ARAP2: variants seen among roughly 807,000 people sequenced by gnomAD.
ARAP2 encodes the protein ArfGAP with RhoGAP domain, ankyrin repeat and PH domain 2.
In ARAP2, 148 loss-of-function variants were observed where a neutral mutation model predicts 194.5. The observed-to-expected ratio is 0.76, with a 90% confidence interval of 0.67 to 0.87. The LOEUF is 0.87. ARAP2 is among the 40% of genes least tolerant of loss of function. The probability of loss-of-function intolerance (pLI) is 0.00; values close to 1 mark genes in which losing one functional copy is unlikely to be tolerated. For missense variants in ARAP2, 2,128 were observed against 1,989.7 expected (o/e 1.07, Z -1.32); for synonymous variants, 695 against 683.5 (o/e 1.02, Z -0.26).
Position 36,158,868 on chromosome 4 carries a change from G to GA in ARAP2, c.2618-5dup, listed in dbSNP as rs1257237723. 1 of 1,577,558 alleles carries GA rather than the reference G, an allele frequency of 6.3e-7. No homozygotes were observed. The highest frequency in any genetic ancestry group is 8.6e-7 in the Non-Finnish European group (1 of 1,168,730). ...TGAATATCATGTTGAGGGAAATCTA[G>GA]AAAAATTAAAGAAATAAGGCACAAG... On this transcript the variant is annotated splice_polypyrimidine_tract_variant and splice_region_variant and intron_variant, in intron 14 of 32. Coordinates refer to ENST00000303965, the MANE Select transcript of ARAP2 (RefSeq NM_015230.4).
intron 2 of ARAP2, among the ~76,000 whole-genome samples, chr4:36,225,330 T>C (rs1260417702): frequency 2.0e-5 from 3 of 152,188 alleles, no homozygotes; most frequent in Admixed American, 2.0e-4. Flanking sequence ...AGGAAAAATG[T>C]ACTTCCTTCA....
At chr4:36,151,901 T>A (rs569111891) in intron 15 of ARAP2, among the ~76,000 whole-genome samples, 46 of 152,278 alleles carry the variant, frequency 3.0e-4, no homozygotes, top group Admixed American at 9.8e-4. Context: ...GTAAAATGTA[T>A]ATGAGAATTA....
chr4:36,100,533 T>A (rs1392345940), intron 27 of ARAP2, among the ~76,000 whole-genome samples: 3 of 151,998 alleles, frequency 2.0e-5, no homozygotes, highest in Admixed American at 1.3e-4. Context: ...ATTTGCAGGA[T>A]AACATCTAAA....
chr4:36,021,375 G>A (rs1243319564), intron 5 of ARAP2, among the ~76,000 whole-genome samples: 2 of 152,206 alleles, frequency 1.3e-5, no homozygotes, highest in Admixed American at 6.5e-5. Flanking sequence ...CCCTCTGTTG[G>A]AGGTGGGGCC....
At chr4:36,168,203 C>T (rs1002264359) in intron 9 of ARAP2, among the ~76,000 whole-genome samples, 2 of 152,104 alleles carry the variant, frequency 1.3e-5, no homozygotes, top group African/African-American at 4.8e-5. Flanking sequence ...TTAAGCAACT[C>T]CTGGTAGAAT....
At chr4:36,225,095 T>C (rs1750008833) in intron 2 of ARAP2, among the ~76,000 whole-genome samples, 1 of 152,192 alleles carries the variant, frequency 6.6e-6, no homozygotes, top group Non-Finnish European at 1.5e-5. Flanking sequence ...TTTCAAACTT[T>C]TGAAAAGCCC....
intron 15 of ARAP2, among the ~76,000 whole-genome samples, chr4:36,154,310 AT>A (rs1365532386): frequency 6.6e-6 from 1 of 152,190 alleles, no homozygotes; most frequent in Non-Finnish European, 1.5e-5. Context: ...AATACATGTG[AT>A]TTAGCCTTGG....
chr4:36,051,544 T>C (rs1182354584), intron 3 of ARAP2, among the ~76,000 whole-genome samples: 1 of 151,996 alleles, frequency 6.6e-6, no homozygotes, highest in Non-Finnish European at 1.5e-5. Context: ...CACACAAACA[T>C]AACAAGGCTA....
intron 25 of ARAP2, among the ~76,000 whole-genome samples, 177 bp downstream of exon 25, chr4:36,116,884 T>C (rs1721486236): frequency 6.6e-6 from 1 of 151,738 alleles, no homozygotes; most frequent in African/African-American, 2.4e-5. Flanking sequence ...ATGTTCTCTT[T>C]CCAAACGATC....
intron 32 of ARAP2, among the ~76,000 whole-genome samples, chr4:36,073,155 G>T (rs1727430548): frequency 1.3e-5 from 2 of 152,074 alleles, no homozygotes. Flanking sequence ...TGCCGCTTAT[G>T]ATCTCCCAAC....
At chr4:36,167,084 C>CAA (rs3055951) in intron 9 of ARAP2, 37 bp from the exon 10 acceptor site, 25 of 1,117,584 alleles carry the variant, frequency 2.2e-5, no homozygotes, top group African/African-American at 1.8e-4. Context: ...TATAAAGAAA[C>CAA]AAAAAAAAAG....
At chr4:36,234,544 T>A (rs947642679) in intron 1 of ARAP2, among the ~76,000 whole-genome samples, 1 of 152,190 alleles carries the variant, frequency 6.6e-6, no homozygotes, top group East Asian at 1.9e-4. Context: ...ATAGATAGTG[T>A]AATATAAATG....
chr4:36,135,247 G>C (rs1173525012), intron 19 of ARAP2, among the ~76,000 whole-genome samples: 5 of 151,698 alleles, frequency 3.3e-5, no homozygotes. Context: ...TTGGGGGCCA[G>C]GTGTGGGTAA....
In ARAP2 at chr4:36,166,997, AT is replaced by A; in HGVS notation, c.1907del (p.Asn636MetfsTer2). 6.2e-7 allele frequency: 1 copy of A among 1,608,860 alleles called. No individual in the cohort carries two copies. Among genetic ancestry groups the A allele is most frequent in the Non-Finnish European group, 8.5e-7 (1 of 1,177,960 alleles). ...GITIIPMNVA[N>X]VKQVDRTVKQ... ...TCACAGTTCGGTCCACTTGCTTTAC[AT>A]TTGCTACATTCATAGGAATTATGGT... On this transcript the variant is annotated frameshift_variant, in exon 10 of 33. Transcript: ENST00000303965. LOFTEE classifies it high-confidence loss of function.
At chr4:36,202,272 T>C (rs370858728) in intron 6 of ARAP2, among the ~76,000 whole-genome samples, 1 of 152,172 alleles carries the variant, frequency 6.6e-6, no homozygotes, top group African/African-American at 2.4e-5. Context: ...AGTAACAAAA[T>C]ATTTTAGAGA....
At chr4:36,147,840 T>C in intron 17 of ARAP2, 94 bp from the exon 18 acceptor site, 1 of 1,088,820 alleles carries the variant, frequency 9.2e-7, no homozygotes, top group Non-Finnish European at 1.3e-6. Flanking sequence ...CAAATTATCT[T>C]AGTTTTTCAA....
At chr4:36,210,359 C>T (rs1746478773) in intron 6 of ARAP2, 31 bp downstream of exon 6, 2 of 1,531,214 alleles carry the variant, frequency 1.3e-6, no homozygotes, top group South Asian at 2.6e-5. Context: ...TAAAAATATG[C>T]CACTTATGAA....
rs567077151 is a variant in ARAP2, at chr4:36,056,863, A to T, written n.321+1107T>A. Among the ~76,000 whole-genome samples, 11 of 152,248 alleles carry T rather than the reference A, an allele frequency of 7.2e-5. No individual in the cohort carries two copies. The East Asian group carries it at 2.1e-3, about 29-fold the overall frequency. ...CATTGTAACTAATACAAATAATTAC[A>T]TTCACTTCTTCCCTGACAATGCTTG... On this transcript the variant is annotated intron_variant and non_coding_transcript_variant, in intron 2 of 12. Transcript: ENST00000503225.
At chr4:36,179,755 G>T (rs563946343) in intron 8 of ARAP2, among the ~76,000 whole-genome samples, 2 of 152,304 alleles carry the variant, frequency 1.3e-5, no homozygotes, top group Non-Finnish European at 2.9e-5. Flanking sequence ...TCTGCCCAGT[G>T]ACTTCATTAT....
Sources: allele counts gnomAD v4.1 joint callset (sites outside exome capture counted in the v4.1 genomes callset), GRCh38; gene constraint gnomAD v4.1.1; transcripts MANE v1.5; gene names NCBI Gene and HGNC (gene_info 2026-07-23, HGNC 2026-07-21).